The following NELL1 variants were observed in gnomAD, a reference collection of about 807,000 sequenced individuals.
NELL1 encodes the protein neural EGFL like 1, also known as protein kinase C-binding protein NELL1.
NELL1 carries 76 observed loss-of-function variants against 107.4 expected under a neutral mutation model. The observed-to-expected ratio is 0.71, with a 90% confidence interval of 0.59 to 0.86. The LOEUF (loss-of-function observed/expected upper bound fraction) is 0.86. NELL1 is among the 40% of genes least tolerant of loss of function. NELL1 has a pLI of 0.00. For synonymous variants in NELL1, 353 were observed against 341.2 expected (o/e 1.03, Z -0.38); for missense variants, 1,024 against 1,005.5 (o/e 1.02, Z -0.25).
intron 16 of NELL1, among the ~76,000 whole-genome samples, chr11:21,542,076 T>A (rs916267601): frequency 6.6e-6 from 1 of 152,064 alleles, no homozygotes; most frequent in Non-Finnish European, 1.5e-5. Flanking sequence ...TAGATGTTAT[T>A]TTCATTAACC....
At chr11:20,689,986 T>C (rs1438431585) in intron 2 of NELL1, among the ~76,000 whole-genome samples, 2 of 151,914 alleles carry the variant, frequency 1.3e-5, no homozygotes, top group Non-Finnish European at 2.9e-5. Context: ...TTCTAACTGG[T>C]GTGAGATGGT....
intron 14 of NELL1, among the ~76,000 whole-genome samples, chr11:21,265,102 A>G (rs951479855): frequency 3.8e-4 from 57 of 151,956 alleles, no homozygotes; most frequent in African/African-American, 1.3e-3. Flanking sequence ...ATTTACCTGT[A>G]ATCTTGAGTC....
At chr11:21,511,746 A>T (rs764962191) in intron 15 of NELL1, among the ~76,000 whole-genome samples, 1 of 152,188 alleles carries the variant, frequency 6.6e-6, no homozygotes. Context: ...CAGATGATGG[A>T]TTTGAGAAGG....
intron 14 of NELL1, among the ~76,000 whole-genome samples, chr11:21,323,394 G>A (rs1251745227): frequency 6.6e-6 from 1 of 152,110 alleles, no homozygotes; most frequent in African/African-American, 2.4e-5. Context: ...GAAGAAAGTG[G>A]TCATTTAGCC....
chr11:21,413,030 T>C (rs1852417791), intron 15 of NELL1, among the ~76,000 whole-genome samples: 1 of 152,106 alleles, frequency 6.6e-6, no homozygotes, highest in South Asian at 2.1e-4. Flanking sequence ...TGTTAGGTAT[T>C]CCAACACTTT....
chr11:20,956,370 G>A (rs1212747149), intron 11 of NELL1, among the ~76,000 whole-genome samples: 7 of 152,128 alleles, frequency 4.6e-5, no homozygotes, highest in Admixed American at 4.6e-4. Flanking sequence ...TTTCAGGCTG[G>A]GTGCGGTGGC....
chr11:21,159,360 G>T (rs950364350), intron 13 of NELL1, among the ~76,000 whole-genome samples: 1 of 152,132 alleles, frequency 6.6e-6, no homozygotes, highest in Non-Finnish European at 1.5e-5. Context: ...AGAAGTATTG[G>T]AGGATATTGA....
chr11:20,797,581 A>G (rs1857197831), intron 3 of NELL1, among the ~76,000 whole-genome samples: 1 of 151,254 alleles, frequency 6.6e-6, no homozygotes, highest in Admixed American at 6.6e-5. Flanking sequence ...AAAAAAAAAA[A>G]AAAAAAGACA....
chr11:20,713,379 C>T (rs1855160381), intron 2 of NELL1, among the ~76,000 whole-genome samples: 5 of 151,928 alleles, frequency 3.3e-5, no homozygotes, highest in Admixed American at 3.3e-4. Flanking sequence ...GGTTCTCAGG[C>T]CAATGGGGTT....
chr11:21,543,842 G>T (rs563054474), intron 16 of NELL1, among the ~76,000 whole-genome samples: 1 of 152,090 alleles, frequency 6.6e-6, no homozygotes, highest in African/African-American at 2.4e-5. Flanking sequence ...TGAACCCAAG[G>T]TTCATTCATT....
At chr11:20,687,935 G>C (rs1444284947) in intron 2 of NELL1, among the ~76,000 whole-genome samples, 1 of 152,188 alleles carries the variant, frequency 6.6e-6, no homozygotes, top group Non-Finnish European at 1.5e-5. Flanking sequence ...AAGTTAGACA[G>C]ACTATTTGTT....
intron 3 of NELL1, among the ~76,000 whole-genome samples, chr11:20,844,902 T>C (rs1175488738): frequency 6.6e-6 from 1 of 152,214 alleles, no homozygotes; most frequent in Non-Finnish European, 1.5e-5. Context: ...AACATGAGTC[T>C]TCCCTCCAGG....
intron 14 of NELL1, chr11:21,262,507 C>G (rs1459660025): frequency 6.6e-6 from 1 of 151,858 alleles, no homozygotes; most frequent in Non-Finnish European, 1.5e-5. Flanking sequence ...ACATGGCAAA[C>G]AAAACATATA....
intron 15 of NELL1, among the ~76,000 whole-genome samples, chr11:21,423,559 A>G (rs1852746134): frequency 6.6e-6 from 1 of 152,190 alleles, no homozygotes; most frequent in South Asian, 2.1e-4. Context: ...CACTCTCAGT[A>G]AAGGATAATA....
intron 12 of NELL1, among the ~76,000 whole-genome samples, chr11:21,037,682 G>A (rs1295430006): frequency 6.6e-6 from 1 of 152,110 alleles, no homozygotes; most frequent in East Asian, 1.9e-4. Flanking sequence ...TTGGTAAACA[G>A]CTCCAAACAG....
At chr11:21,414,953 G>C (rs1852473532) in intron 15 of NELL1, among the ~76,000 whole-genome samples, 1 of 151,948 alleles carries the variant, frequency 6.6e-6, no homozygotes, top group Admixed American at 6.6e-5. Flanking sequence ...AAAGAATAAA[G>C]AGATGCACCC....
intron 14 of NELL1, among the ~76,000 whole-genome samples, chr11:21,363,942 C>CCT (rs1295598794): frequency 6.6e-6 from 1 of 152,152 alleles, no homozygotes; most frequent in Non-Finnish European, 1.5e-5. Context: ...TCTAATTTAT[C>CCT]CTCTATAGTA....
chr11:20,942,639 T>A (rs913493111), intron 10 of NELL1, among the ~76,000 whole-genome samples: 3 of 152,222 alleles, frequency 2.0e-5, no homozygotes, highest in African/African-American at 7.2e-5. Flanking sequence ...TTTTTGTTAT[T>A]CCATATGACC....
chr11:21,258,869 G>A (rs1272311349), intron 14 of NELL1, among the ~76,000 whole-genome samples: 2 of 151,906 alleles, frequency 1.3e-5, no homozygotes, highest in Admixed American at 6.6e-5. Flanking sequence ...AGAGATAGAG[G>A]TTCAGAAAAT....
Sources: allele counts gnomAD v4.1 joint callset (sites outside exome capture counted in the v4.1 genomes callset), GRCh38; gene constraint gnomAD v4.1.1; transcripts MANE v1.5; gene names NCBI Gene and HGNC (gene_info 2026-07-23, HGNC 2026-07-21).